The following RNF6 variants were observed in gnomAD, a reference collection of about 807,000 sequenced individuals.
The protein encoded by RNF6 is E3 ubiquitin-protein ligase RNF6.
Under a neutral mutation model 50.1 loss-of-function variants are expected in RNF6, and 21 were observed. The ratio of observed to expected loss-of-function variants is 0.42; its 90% confidence interval spans 0.30 to 0.60. The LOEUF (loss-of-function observed/expected upper bound fraction) is 0.60. Among genes scored for constraint, RNF6 ranks in the 20% least tolerant of loss-of-function variants. RNF6 has a pLI of 0.20. For synonymous variants in RNF6, 255 were observed against 291.8 expected, an observed-to-expected ratio of 0.87 and a Z score of 1.29; for missense variants, 698 against 838.2, an observed-to-expected ratio of 0.83 and a Z score of 2.07.
chr13:26,197,507 A>G (rs984272392), intron 5 of RNF6, among the ~76,000 whole-genome samples: 1 of 151,672 alleles, frequency 6.6e-6, no homozygotes. Flanking sequence ...GCCTAATTAT[A>G]TTTACATTGG....
rs1013220853 is a variant in RNF6 at position 26,218,803 on chromosome 13, C to A, written c.194-197G>T. On this transcript the variant is annotated intron_variant, in intron 3 of 4. Coordinates refer to ENST00000381588, the MANE Select transcript of RNF6 (RefSeq NM_005977.4). ...ATTCGGTTGTGCTTCATTTATTAAT[C>A]TTTTATTAAAAATTATTAAAATAAG... 4.6e-5 allele frequency among the ~76,000 whole-genome samples: 7 copies of A among 152,088 alleles called. No homozygotes were observed. The East Asian group carries it at 1.3e-3, about 29-fold the overall frequency.
At chr13:26,154,971 A>G (rs1006159407) in intron 5 of RNF6, among the ~76,000 whole-genome samples, 1 of 152,062 alleles carries the variant, frequency 6.6e-6, no homozygotes, top group African/African-American at 2.4e-5. Context: ...CAGAAGTTGC[A>G]GGGGGCCAAG....
intron 5 of RNF6, among the ~76,000 whole-genome samples, chr13:26,197,660 C>A (rs1177166233): frequency 6.6e-6 from 1 of 151,976 alleles, no homozygotes; most frequent in Admixed American, 6.5e-5. Flanking sequence ...GAATTCAGCT[C>A]TTTTCTCTAC....
chr13:26,133,544 A>G (rs1870498221), intron 5 of RNF6, among the ~76,000 whole-genome samples: 1 of 152,080 alleles, frequency 6.6e-6, no homozygotes, highest in Non-Finnish European at 1.5e-5. Context: ...CAAATTGGGT[A>G]ATTTCTATTG....
chr13:26,209,024 AACAAG>A (rs1453343524), downstream of RNF6, among the ~76,000 whole-genome samples: 2 of 152,222 alleles, frequency 1.3e-5, no homozygotes, highest in Non-Finnish European at 2.9e-5. Context: ...GCAAATTGAG[AACAAG>A]ACAAGATTTC....
In RNF6 at chr13:26,173,268, G is replaced by A. The variant is rs554661337; in HGVS notation, n.769-40817C>T. Among the ~76,000 whole-genome samples, 7 of 152,284 alleles carry A rather than the reference G, an allele frequency of 4.6e-5. No homozygotes were observed. The South Asian group carries it at 1.5e-3, about 32-fold the overall frequency. On this transcript the variant is annotated intron_variant and non_coding_transcript_variant, in intron 5 of 5. Coordinates refer to the RNF6 transcript ENST00000468480. ...TGCAAGAAGTTACGAACAAAGATAT[G>A]CATTTCAGCCGTGCTTGTAACAGTG...
Position 26,214,581 on chromosome 13 carries a change from A to G in RNF6, c.1301T>C (p.Ile434Thr), listed in dbSNP as rs1869635232. The G allele has an allele frequency of 6.2e-7, 1 of 1,614,224 alleles. No homozygotes were observed. The highest frequency in any genetic ancestry group is 1.1e-5 in the South Asian group (1 of 91,082). ...GCGAAAGCCCCCACTATTGCTTTCAATAGTGACTGTATTTTCTGCTAGCCC... is the reference window on the plus strand; with the variant it reads ...GCGAAAGCCCCCACTATTGCTTTCAGTAGTGACTGTATTTTCTGCTAGCCC... The part of the protein sequence containing the change: ...RVGLAENTVT[I>T]ESNSGGFRRT... The change falls in exon 5 of 5, where the codon ATT becomes ACT. Residue 434 changes from isoleucine (I) to threonine (T), a missense_variant. Coordinates refer to ENST00000381588, the MANE Select transcript of RNF6 (RefSeq NM_005977.4).
Position 26,214,799 on chromosome 13 carries a change from A to G in RNF6, c.1083T>C (p.Gly361=), listed in dbSNP as rs139174482. 6.0e-4 allele frequency: 965 copies of G among 1,614,094 alleles called. 9 individuals are homozygous for G. In the Middle Eastern group the frequency reaches 0.016, roughly 27 times the overall value. The part of the protein sequence containing the change: ...LEQDRERERR[G]TAYTPFSNSR... ...AATTAGAGAATGGGGTATATGCAGT[A>G]CCTCTGCGTTCTCGTTCTCTATCTT... Residue 361 remains glycine (G), a synonymous_variant, in exon 5 of 5, where the codon GGT becomes GGC. Coordinates refer to ENST00000381588, the MANE Select transcript of RNF6 (RefSeq NM_005977.4).
chr13:26,133,132 T>C (rs1870477059), intron 5 of RNF6, among the ~76,000 whole-genome samples: 1 of 152,184 alleles, frequency 6.6e-6, no homozygotes, highest in Non-Finnish European at 1.5e-5. Context: ...GAATACAAGA[T>C]ACAGGAAGAC....
At position 26,184,898 on chromosome 13, in the gene RNF6, C is replaced by A. The variant is rs115529638; in HGVS notation, n.768+30576G>T. ...TTAGCTGCCCTCCACCAGTAGAGGG[C>A]AGCCCTCTCCCTACAAACTGTCTAC... On this transcript the variant is annotated intron_variant and non_coding_transcript_variant, in intron 5 of 5. Coordinates refer to the RNF6 transcript ENST00000468480. Among the ~76,000 whole-genome samples the A allele has an allele frequency of 7.0e-3, 1,064 of 152,266 alleles. 6 individuals carry two copies. Among genetic ancestry groups the A allele is most frequent in the African/African-American group, 0.025 (1,022 of 41,528 alleles).
intron 5 of RNF6, among the ~76,000 whole-genome samples, chr13:26,167,640 G>A (rs1021296302): frequency 2.6e-5 from 4 of 152,206 alleles, no homozygotes; most frequent in Non-Finnish European, 4.4e-5. Flanking sequence ...AAAGCAGTAC[G>A]TTGATTCCTT....
intron 5 of RNF6, among the ~76,000 whole-genome samples, chr13:26,165,774 A>T (rs2419896): frequency 0.83 from 125,752 of 152,184 alleles, 52,094 homozygotes; most frequent in Non-Finnish European, 0.86. Flanking sequence ...ATGGCTGTAT[A>T]TACCCAATGC....
chr13:26,222,911 C>G (rs1175640536), upstream of RNF6, among the ~76,000 whole-genome samples: 1 of 152,192 alleles, frequency 6.6e-6, no homozygotes, highest in Non-Finnish European at 1.5e-5. Context: ...CCGCACCCCA[C>G]TATATTTTGT....
rs183626435 is a variant in RNF6 at position 26,188,561 on chromosome 13, G to C, written n.768+26913C>G. ...AGAAGTGAAGACTGAGGGGAGTTTAGGTGAAAGCTGCAGCTGTTCTCTCCC... is the reference window on the plus strand; with the variant it reads ...AGAAGTGAAGACTGAGGGGAGTTTACGTGAAAGCTGCAGCTGTTCTCTCCC... On this transcript the variant is annotated intron_variant and non_coding_transcript_variant, in intron 5 of 5. Coordinates refer to the RNF6 transcript ENST00000468480. Among the ~76,000 whole-genome samples, 417 of 145,942 alleles carry C rather than the reference G, an allele frequency of 2.9e-3. 2 individuals are homozygous for C. Among genetic ancestry groups the C allele is most frequent in the Admixed American group, 4.8e-3 (70 of 14,668 alleles).
intron 5 of RNF6, among the ~76,000 whole-genome samples, chr13:26,161,427 C>T (rs1012212573): frequency 6.6e-6 from 1 of 152,170 alleles, no homozygotes; most frequent in Non-Finnish European, 1.5e-5. Context: ...TTGACCTTCA[C>T]ACTGTTGACT....
chr13:26,197,644 A>G (rs1868724524), intron 5 of RNF6, among the ~76,000 whole-genome samples: 1 of 152,028 alleles, frequency 6.6e-6, no homozygotes, highest in African/African-American at 2.4e-5. Context: ...TGTAGGAATC[A>G]GAATGGAATT....
chr13:26,137,405 C>G (rs913768997), intron 5 of RNF6, among the ~76,000 whole-genome samples: 13 of 151,696 alleles, frequency 8.6e-5, no homozygotes, highest in African/African-American at 2.9e-4. Flanking sequence ...TTAAAATGTT[C>G]ACTTTTCTAC....
intron 5 of RNF6, among the ~76,000 whole-genome samples, chr13:26,160,502 G>A (rs1872144864): frequency 6.7e-6 from 1 of 149,646 alleles, no homozygotes; most frequent in Non-Finnish European, 1.5e-5. Flanking sequence ...GGGACTACAG[G>A]CTTATGCCAC....
chr13:26,179,683 A>G (rs904771086), intron 5 of RNF6, among the ~76,000 whole-genome samples: 12 of 152,088 alleles, frequency 7.9e-5, no homozygotes, highest in Non-Finnish European at 2.9e-5. Context: ...ATTCCCCCAA[A>G]CCAGGTACCC....
Sources: gnomAD v4.1 joint callset for allele counts (sites outside exome capture counted in the v4.1 genomes callset) on GRCh38, gnomAD v4.1.1 for gene constraint, MANE v1.5 for transcripts, NCBI Gene and HGNC (gene_info 2026-07-23, HGNC 2026-07-21) for gene names.